EXOC6B: variants seen among roughly 807,000 people sequenced by gnomAD.
The protein encoded by EXOC6B is SEC15 homolog B.
EXOC6B carries 54 observed loss-of-function variants against 113.5 expected under a neutral mutation model. That is an observed-to-expected ratio of 0.48 (90% confidence interval 0.38 to 0.60). The LOEUF is 0.60. Ranked by LOEUF, EXOC6B falls within the 20% of genes least tolerant of loss-of-function variation. EXOC6B has a pLI of 0.00. For missense variants in EXOC6B, 797 were observed against 977.5 expected (o/e 0.82, Z 2.46); for synonymous variants, 357 against 339.0 (o/e 1.05, Z -0.58).
chr2:72,451,203 C>A (rs572032952), intron 18 of EXOC6B, among the ~76,000 whole-genome samples: 78 of 152,262 alleles, frequency 5.1e-4, no homozygotes, highest in African/African-American at 1.8e-3. Flanking sequence ...TGCGTGCTCA[C>A]AACTAGGAAA....
At chr2:72,428,753 G>C (rs891802080) in intron 18 of EXOC6B, among the ~76,000 whole-genome samples, 2 of 152,164 alleles carry the variant, frequency 1.3e-5, no homozygotes, top group African/African-American at 2.4e-5. Context: ...ACAATATCTA[G>C]AAAATAGCCT....
chr2:72,501,813 G>T (rs1700335874), intron 11 of EXOC6B, among the ~76,000 whole-genome samples: 1 of 149,154 alleles, frequency 6.7e-6, no homozygotes, highest in Non-Finnish European at 1.5e-5. Flanking sequence ...AGCCTGGAGT[G>T]CAGTGGCAGG....
At chr2:72,689,642 G>A (rs748789160) in intron 6 of EXOC6B, among the ~76,000 whole-genome samples, 7 of 152,052 alleles carry the variant, frequency 4.6e-5, no homozygotes, top group East Asian at 1.9e-4. Context: ...GGCAAACTCC[G>A]GACTGCTGTG....
At chr2:72,482,900 G>A (rs683328) in intron 16 of EXOC6B, among the ~76,000 whole-genome samples, 11,283 of 152,116 alleles carry the variant, frequency 0.074, 495 homozygotes, top group Non-Finnish European at 0.1. Context: ...GATACAATTC[G>A]AATAAATTCT....
At chr2:72,534,538 G>GA (rs1162738591) in intron 8 of EXOC6B, among the ~76,000 whole-genome samples, 1 of 152,038 alleles carries the variant, frequency 6.6e-6, no homozygotes, top group Non-Finnish European at 1.5e-5. Flanking sequence ...GTAAGGGTTG[G>GA]ATTTAAGGTT....
rs1553490937 is a variant in EXOC6B at position 72,822,680 on chromosome 2, G to GAATA, written c.113+3117_113+3118insTATT. Among the ~76,000 whole-genome samples, 470 of 151,948 alleles carry GAATA rather than the reference G, an allele frequency of 3.1e-3. 10 individuals are homozygous for GAATA. The East Asian group carries it at 0.066, about 21-fold the overall frequency. ...TTTTTTTGAAGAGCAGGTATTTTAG[G>GAATA]GATATACTAATCTAATATCTGCTCT... On this transcript the variant is annotated intron_variant, in intron 1 of 21. Coordinates refer to ENST00000272427, the MANE Select transcript of EXOC6B (RefSeq NM_015189.3).
intron 2 of EXOC6B, among the ~76,000 whole-genome samples, chr2:72,736,185 C>T (rs1680942805): frequency 7.0e-6 from 1 of 142,658 alleles, no homozygotes. Flanking sequence ...CACTCTGTCT[C>T]AAAAAATTAA....
chr2:72,663,080 G>A (rs1397575341), intron 6 of EXOC6B, among the ~76,000 whole-genome samples: 3 of 152,082 alleles, frequency 2.0e-5, no homozygotes, highest in African/African-American at 7.2e-5. Context: ...TCATTCCACA[G>A]TATTTACCAT....
intron 5 of EXOC6B, among the ~76,000 whole-genome samples, chr2:72,724,382 T>C (rs1680182139): frequency 6.6e-6 from 1 of 152,086 alleles, no homozygotes; most frequent in Non-Finnish European, 1.5e-5. Context: ...TGAACTTCCC[T>C]GGAATAAAGG....
chr2:72,279,489 C>G (rs1054175535), intron 20 of EXOC6B, among the ~76,000 whole-genome samples: 9 of 152,142 alleles, frequency 5.9e-5, no homozygotes, highest in Non-Finnish European at 7.4e-5. Context: ...TGTGATAAAA[C>G]ATGATTCTGA....
intron 20 of EXOC6B, among the ~76,000 whole-genome samples, chr2:72,224,994 G>GTGTGTGTGTATATATATATATATATA (rs908047817): frequency 0.014 from 1,927 of 137,206 alleles, 34 homozygotes; most frequent in Non-Finnish European, 0.022. Flanking sequence ...GTGTGTGTGT[G>GTGTGTGTGTATATATATATATATATA]TATATATATA....
intron 11 of EXOC6B, among the ~76,000 whole-genome samples, chr2:72,510,406 G>A (rs917506853): frequency 2.6e-5 from 4 of 151,282 alleles, no homozygotes; most frequent in Admixed American, 1.3e-4. Context: ...CCATGTGTAA[G>A]GACATGGTTA....
chr2:72,252,374 C>T (rs143325057), intron 20 of EXOC6B, among the ~76,000 whole-genome samples: 136 of 152,126 alleles, frequency 8.9e-4, no homozygotes, highest in East Asian at 2.1e-3. Flanking sequence ...TACTGTTCCA[C>T]GAAGTTTTTC....
intron 18 of EXOC6B, among the ~76,000 whole-genome samples, chr2:72,422,252 C>G (rs777758364): frequency 1.3e-5 from 2 of 152,226 alleles, no homozygotes; most frequent in Non-Finnish European, 2.9e-5. Flanking sequence ...ACCTGCAGCC[C>G]CAGTGCGGGA....
intron 20 of EXOC6B, among the ~76,000 whole-genome samples, chr2:72,241,128 G>A (rs2104506906): frequency 1.3e-5 from 2 of 152,270 alleles, no homozygotes; most frequent in Admixed American, 1.3e-4. Context: ...TGGAAAAATG[G>A]ACAACATGCA....
chr2:72,392,333 C>A (rs908567353), intron 18 of EXOC6B, among the ~76,000 whole-genome samples: 7 of 152,212 alleles, frequency 4.6e-5, no homozygotes, highest in Non-Finnish European at 8.8e-5. Context: ...GTTGCAACTT[C>A]CCCTGGTGGC....
intron 20 of EXOC6B, among the ~76,000 whole-genome samples, chr2:72,196,611 C>T (rs535388096): frequency 6.2e-4 from 94 of 152,226 alleles, no homozygotes; most frequent in Non-Finnish European, 1.2e-3. Context: ...TCTTGACCAC[C>T]AAGGGATCAT....
chr2:72,480,621 A>C lies in EXOC6B; in HGVS notation c.1795T>G (p.Phe599Val). The change falls in exon 17 of 22, where the codon TTT (phenylalanine) becomes GTT (valine). Residue 599 changes from phenylalanine (F) to valine (V), a missense_variant. By Grantham distance (50) the Phe-to-Val change is conservative (BLOSUM62 -1). Coordinates refer to ENST00000272427, the MANE Select transcript of EXOC6B (RefSeq NM_015189.3). ...GTACTGTAGGGCCCTCTCACCTTAAAAGTTGTGGTGCCATAGAGCTTGGTA... is the reference window on the plus strand; with the variant it reads ...GTACTGTAGGGCCCTCTCACCTTAACAGTTGTGGTGCCATAGAGCTTGGTA... Reference protein sequence around the residue: ...HTTKLYGTTTFKDARHAAEEE... With the variant: ...HTTKLYGTTTVKDARHAAEEE... The C allele has an allele frequency of 6.3e-7, 1 of 1,581,204 alleles. No individual in the cohort carries two copies. Among genetic ancestry groups the C allele is most frequent in the Non-Finnish European group, 8.6e-7 (1 of 1,161,746 alleles).
chr2:72,287,422 C>A (rs547900614), intron 20 of EXOC6B, among the ~76,000 whole-genome samples: 1 of 130,014 alleles, frequency 7.7e-6, no homozygotes, highest in Non-Finnish European at 1.6e-5. Context: ...CAGAGTGAGA[C>A]TTCATCTCAA....
Sources: gnomAD v4.1 joint callset for allele counts (sites outside exome capture counted in the v4.1 genomes callset) on GRCh38, gnomAD v4.1.1 for gene constraint, MANE v1.5 for transcripts, NCBI Gene and HGNC (gene_info 2026-07-23, HGNC 2026-07-21) for gene names.